The following KIAA2012 variants were observed in gnomAD, a reference collection of about 807,000 sequenced individuals.
KIAA2012 encodes the protein KIAA2012.
Under a neutral mutation model 150.6 loss-of-function variants are expected in KIAA2012, and 125 were observed. That is an observed-to-expected ratio of 0.83 (90% CI 0.72 to 0.96). KIAA2012 has a LOEUF of 0.96. Among genes scored for constraint, KIAA2012 ranks in the 40% least tolerant of loss-of-function variants. The probability of loss-of-function intolerance (pLI) is 0.00; values close to 1 mark genes in which losing one functional copy is unlikely to be tolerated. For synonymous variants in KIAA2012, 462 were observed against 504.7 expected, an observed-to-expected ratio of 0.92 and a Z score of 1.13; for missense variants, 1,219 against 1,354.9, an observed-to-expected ratio of 0.90 and a Z score of 1.57.
chr2:202,106,721 A>G (rs940917456), intron 9 of KIAA2012, among the ~76,000 whole-genome samples: 23 of 152,224 alleles, frequency 1.5e-4, no homozygotes, highest in African/African-American at 5.1e-4. Context: ...TAAAAAGTCC[A>G]TAATATTGAT....
intron 22 of KIAA2012, chr2:202,201,516 T>C: frequency 6.2e-7 from 1 of 1,608,180 alleles, no homozygotes; most frequent in Non-Finnish European, 8.5e-7. Flanking sequence ...AGGAAGAATG[T>C]TGCCAGCAGT....
At chr2:202,168,529 CCTT>C (rs1286614686) in intron 15 of KIAA2012, among the ~76,000 whole-genome samples, 1 of 152,036 alleles carries the variant, frequency 6.6e-6, no homozygotes, top group Non-Finnish European at 1.5e-5. Flanking sequence ...ACAATTTGCT[CCTT>C]GTCAGGAGAG....
intron 13 of KIAA2012, among the ~76,000 whole-genome samples, chr2:202,153,574 T>C (rs1691469834): frequency 6.6e-6 from 1 of 152,188 alleles, no homozygotes. Context: ...CTTCCTTGAC[T>C]CTCTGCTTAA....
At chr2:202,150,490 C>G (rs866859648) in intron 13 of KIAA2012, among the ~76,000 whole-genome samples, 1 of 151,584 alleles carries the variant, frequency 6.6e-6, no homozygotes, top group African/African-American at 2.4e-5. Context: ...GCTCTGTCGC[C>G]GAGGCTGGAG....
rs1421535868 is a variant in KIAA2012, at chr2:202,100,672, C to T, written c.1155+223C>T. ...GGAATTTCAGCTGCCACCAATTCTA[C>T]CTTAAAGCATGTGTTATTACCACAC... is the stretch of plus-strand genomic sequence containing the variant. On this transcript the variant is annotated intron_variant, in intron 7 of 23. Transcript: ENST00000498697. Among the ~76,000 whole-genome samples the T allele has an allele frequency of 2.0e-5, 3 of 152,316 alleles. No homozygotes were observed. The East Asian group carries it at 5.8e-4, about 29-fold the overall frequency.
chr2:202,152,548 A>G (rs967194470), intron 13 of KIAA2012, among the ~76,000 whole-genome samples: 1 of 152,244 alleles, frequency 6.6e-6, no homozygotes, highest in African/African-American at 2.4e-5. Context: ...TCTGATTTCT[A>G]TTATTCTATC....
In KIAA2012 at chr2:202,073,325, A is replaced by C; in HGVS notation, c.-303A>C. 3.3e-6 allele frequency: 1 copy of C among 303,928 alleles called. No individual in the cohort carries two copies. Among genetic ancestry groups the C allele is most frequent in the Non-Finnish European group, 6.2e-6 (1 of 160,970 alleles). The allele number at this position is 303,928 out of a possible 1,614,324, so 18.8% of individuals were successfully genotyped here. A position where few individuals can be genotyped will look rare whatever the true frequency, so the allele number is the denominator to read the frequency against. On this transcript the variant is annotated 5_prime_UTR_variant, in exon 1 of 24. Transcript: ENST00000498697. The stretch of plus-strand genomic sequence containing the variant: ...GCTGGTAACAGAGCAACCGGGACCA[A>C]GGGACAACAAGAGCTCAGGAGAAGG...
Position 202,100,354 on chromosome 2 carries a change from T to A in KIAA2012, c.1060T>A (p.Leu354Ile). ...KLHKARSSHL[L>I]QVLPAERSLF... ...CCACAAGGCCAGAAGCAGCCACTTGTTACAGGTGCTTCCTGCTGAAAGAAG... is the reference window on the plus strand; with the variant it reads ...CCACAAGGCCAGAAGCAGCCACTTGATACAGGTGCTTCCTGCTGAAAGAAG... Residue 354 changes from leucine (L) to isoleucine (I), a missense_variant, in exon 7 of 24, where the codon TTA (leucine) becomes ATA (isoleucine). By Grantham distance (5) the Leu-to-Ile change is conservative. Transcript: ENST00000498697. 1 of 1,550,612 alleles carries A rather than the reference T, an allele frequency of 6.4e-7. No homozygotes were observed. The highest frequency in any genetic ancestry group is 8.7e-7 in the Non-Finnish European group (1 of 1,146,978).
chr2:202,173,989 C>A (rs1012805200), intron 15 of KIAA2012, among the ~76,000 whole-genome samples: 1 of 151,926 alleles, frequency 6.6e-6, no homozygotes, highest in South Asian at 2.1e-4. Context: ...TTTTGAGACA[C>A]AGTTTTGCTC....
At chr2:202,111,156 C>T (rs758719289) in intron 10 of KIAA2012, among the ~76,000 whole-genome samples, 1 of 152,056 alleles carries the variant, frequency 6.6e-6, no homozygotes, top group Non-Finnish European at 1.5e-5. Context: ...CAAATGGATA[C>T]TCAGGCCTAC....
intron 13 of KIAA2012, among the ~76,000 whole-genome samples, chr2:202,143,345 C>G (rs1691233975): frequency 6.6e-6 from 1 of 151,740 alleles, no homozygotes; most frequent in South Asian, 2.1e-4. Context: ...CTTGGCCTCC[C>G]AAAGTGCTAG....
At chr2:202,091,796 C>T (rs985202894) in intron 3 of KIAA2012, among the ~76,000 whole-genome samples, 6 of 152,198 alleles carry the variant, frequency 3.9e-5, no homozygotes, top group African/African-American at 1.4e-4. Flanking sequence ...ATTTCTTCAG[C>T]AACAACAAAC....
intron 1 of KIAA2012, among the ~76,000 whole-genome samples, chr2:202,073,917 T>C (rs533788573): frequency 2.4e-4 from 36 of 151,896 alleles, no homozygotes; most frequent in African/African-American, 8.2e-4. Flanking sequence ...GAGGCCCTCA[T>C]CTTTCCCCTT....
chr2:202,113,264 A>G, intron 10 of KIAA2012, 72 bp from the exon 11 acceptor site: 1 of 1,184,858 alleles, frequency 8.4e-7, no homozygotes. Context: ...CCAGGGGAAC[A>G]TGGCCCAGGT....
chr2:202,165,651 G>A (rs1385779209), intron 15 of KIAA2012, among the ~76,000 whole-genome samples: 2 of 152,108 alleles, frequency 1.3e-5, no homozygotes, highest in African/African-American at 4.8e-5. Context: ...AACCCAGGAG[G>A]CAGAGGTTGC....
intron 22 of KIAA2012, chr2:202,197,863 A>T (rs374818345): frequency 0.02 from 122 of 6,080 alleles, 2 homozygotes; most frequent in Non-Finnish European, 0.044. Context: ...GACTCTCTTT[A>T]AAAAAAAAAA....
chr2:202,135,087 G>A (rs1691033402), intron 12 of KIAA2012, among the ~76,000 whole-genome samples: 1 of 152,198 alleles, frequency 6.6e-6, no homozygotes, highest in African/African-American at 2.4e-5. Context: ...AAAACTGCCT[G>A]ATTATCTGGT....
intron 6 of KIAA2012, 135 bp from the exon 7 acceptor site, chr2:202,100,172 G>T: frequency 2.1e-6 from 2 of 948,030 alleles, no homozygotes; most frequent in Non-Finnish European, 3.1e-6. Context: ...CTCCCCCAAA[G>T]CTAGGGCTGT....
At chr2:202,097,383 A>C in intron 4 of KIAA2012, 52 bp from the exon 5 acceptor site, 2 of 1,542,816 alleles carry the variant, frequency 1.3e-6, no homozygotes, top group South Asian at 2.4e-5. Flanking sequence ...GGCAGCAAGA[A>C]CACCACGTCC....
Sources: allele counts gnomAD v4.1 joint callset (sites outside exome capture counted in the v4.1 genomes callset), GRCh38; gene constraint gnomAD v4.1.1; transcripts MANE v1.5; gene names NCBI Gene and HGNC (gene_info 2026-07-23, HGNC 2026-07-21).